DCTD: variants seen among roughly 807,000 people sequenced by gnomAD.
DCTD encodes deoxycytidylate deaminase.
In DCTD, 23 loss-of-function variants were observed where a neutral mutation model predicts 21.0. The ratio of observed to expected loss-of-function variants is 1.09; its 90% CI spans 0.79 to 1.55. DCTD has a LOEUF of 1.55. Among genes scored for constraint, DCTD ranks in the 40% most tolerant of loss-of-function variants. The pLI is 0.00. For missense variants in DCTD, 224 were observed against 230.0 expected (o/e 0.97, Z 0.17); for synonymous variants, 71 against 81.1 (o/e 0.88, Z 0.67).
chr4:182,906,088 G>A (rs1579736928), intron 3 of DCTD, among the ~76,000 whole-genome samples: 1 of 151,974 alleles, frequency 6.6e-6, no homozygotes, highest in South Asian at 2.1e-4. Flanking sequence ...CCTCCCGGCT[G>A]GCGAGTCGCT....
chr4:182,916,277 G>A (rs112343703), intron 1 of DCTD: 2 of 643,758 alleles, frequency 3.1e-6, no homozygotes, highest in South Asian at 6.9e-5. Context: ...TTTTTGGAAC[G>A]TAGTTTACCA....
intron 3 of DCTD, among the ~76,000 whole-genome samples, chr4:182,895,091 C>T (rs892162819): frequency 2.0e-5 from 3 of 152,240 alleles, no homozygotes; most frequent in African/African-American, 7.2e-5. Flanking sequence ...AAAACGCCAG[C>T]AGCCAGACTG....
intron 4 of DCTD, among the ~76,000 whole-genome samples, chr4:182,893,626 C>T (rs1734201555): frequency 6.6e-6 from 1 of 152,252 alleles, no homozygotes; most frequent in South Asian, 2.1e-4. Flanking sequence ...AGCCAGGAAT[C>T]CCAAGGGCCC....
chr4:182,908,816 TG>T (rs1280997732), intron 3 of DCTD, among the ~76,000 whole-genome samples: 1 of 152,182 alleles, frequency 6.6e-6, no homozygotes, highest in African/African-American at 2.4e-5. Context: ...CATGTGCCCC[TG>T]ACATTTTATC....
At chr4:182,901,050 T>A (rs1282105319) in intron 3 of DCTD, among the ~76,000 whole-genome samples, 2 of 152,214 alleles carry the variant, frequency 1.3e-5, no homozygotes, top group African/African-American at 4.8e-5. Context: ...ATATATTCCA[T>A]CCCTGGTTAG....
intron 3 of DCTD, among the ~76,000 whole-genome samples, chr4:182,910,947 C>G (rs917485514): frequency 2.0e-5 from 3 of 152,130 alleles, no homozygotes; most frequent in Non-Finnish European, 4.4e-5. Flanking sequence ...TTCCGACTTA[C>G]GGAATTAATA....
Position 182,891,354 on chromosome 4 carries a change from A to G in DCTD, c.*45T>C. 2 of 1,381,030 alleles carry G rather than the reference A, an allele frequency of 1.4e-6. No homozygotes were observed. Among genetic ancestry groups the G allele is most frequent in the Admixed American group, 1.7e-5 (1 of 59,382 alleles). 85.5% of individuals were successfully genotyped at this position (1,381,030 alleles called of 1,614,324 possible). A position where few individuals can be genotyped will look rare whatever the true frequency, so the allele number is the denominator to read the frequency against. ...AGATGAAAGGCATTAGCAACCTCTT[A>G]GAAGACGATAATCCCAATCTTCTGG... On this transcript the variant is annotated 3_prime_UTR_variant, in exon 6 of 6. Transcript: ENST00000438320.
At chr4:182,908,270 C>T (rs1737068572) in intron 3 of DCTD, among the ~76,000 whole-genome samples, 1 of 152,140 alleles carries the variant, frequency 6.6e-6, no homozygotes, top group African/African-American at 2.4e-5. Flanking sequence ...CAGTCAAAAT[C>T]AGCACAACTG....
rs758280564 is a variant in DCTD, at chr4:182,905,636, G to A, written c.244+9287C>T. Among the ~76,000 whole-genome samples, 65 of 151,892 alleles carry A rather than the reference G, an allele frequency of 4.3e-4. 1 individual carries two copies. Among genetic ancestry groups the A allele is most frequent in the East Asian group, 7.8e-4 (4 of 5,150 alleles). On this transcript the variant is annotated intron_variant, in intron 3 of 5. Coordinates refer to ENST00000438320, the MANE Select transcript of DCTD (RefSeq NM_001921.3). Reference sequence around the variant, plus strand: ...CACTGCTCTGTGTGCTCCTTCTCACGGGCCCTTCTTTCTCCAACCACCTTA... The same window carrying A: ...CACTGCTCTGTGTGCTCCTTCTCACAGGCCCTTCTTTCTCCAACCACCTTA...
At chr4:182,896,181 C>T (rs548845443) in intron 3 of DCTD, among the ~76,000 whole-genome samples, 11 of 152,302 alleles carry the variant, frequency 7.2e-5, no homozygotes, top group Non-Finnish European at 1.5e-4. Flanking sequence ...GACTCACTTG[C>T]TTCATCGATG....
chr4:182,916,227 G>A (rs1345648009), intron 1 of DCTD: 1 of 229,202 alleles, frequency 4.4e-6, no homozygotes, highest in Non-Finnish European at 7.2e-6. Flanking sequence ...TACATGAGAA[G>A]AAACTATGAA....
intron 1 of DCTD, chr4:182,916,777 G>A: frequency 8.9e-7 from 1 of 1,124,796 alleles, no homozygotes; most frequent in Non-Finnish European, 1.1e-6. Flanking sequence ...GCAGGAGAGG[G>A]AAGGGTCCTG....
intron 1 of DCTD, chr4:182,916,804 CT>C: frequency 9.0e-7 from 1 of 1,114,420 alleles, no homozygotes; most frequent in South Asian, 1.9e-5. Flanking sequence ...CCCTGGGCGC[CT>C]TCTCCTGGTG....
In DCTD at chr4:182,891,301, G is replaced by A; in HGVS notation, c.*98C>T. 1.2e-6 allele frequency: 1 copy of A among 822,428 alleles called. No individual in the cohort carries two copies. The highest frequency in any genetic ancestry group is 2.1e-6 in the Non-Finnish European group (1 of 476,608). 50.9% of individuals were successfully genotyped at this position (822,428 alleles called of 1,614,324 possible). A position where few individuals can be genotyped will look rare whatever the true frequency, so the allele number is the denominator to read the frequency against. On this transcript the variant is annotated 3_prime_UTR_variant, in exon 6 of 6. Coordinates refer to ENST00000438320, the MANE Select transcript of DCTD (RefSeq NM_001921.3). Reference sequence around the variant, plus strand: ...TTTAGATGCCTACTTTTGCCATACTGGCTAGTAAGAAGTTATGTGTAACTT... The same window carrying A: ...TTTAGATGCCTACTTTTGCCATACTAGCTAGTAAGAAGTTATGTGTAACTT...
intron 3 of DCTD, 143 bp downstream of exon 3, chr4:182,914,780 A>G (rs1738395091): frequency 3.3e-6 from 3 of 916,202 alleles, no homozygotes; most frequent in African/African-American, 3.3e-5. Context: ...AGACAAGGCC[A>G]GGAAATTGGG....
intron 3 of DCTD, among the ~76,000 whole-genome samples, chr4:182,900,009 G>A (rs771988853): frequency 6.6e-5 from 6 of 91,000 alleles, no homozygotes; most frequent in Admixed American, 9.5e-5. Context: ...TGTCATGCTG[G>A]TGTGCAAAAG....
rs1027524178 is a variant in DCTD, at chr4:182,890,832, G to A, written c.*567C>T. The stretch of plus-strand genomic sequence containing the variant: ...ACACTCCTCGTCTGTCAGGACAGAT[G>A]TGCCACCCTATCTCGGATTCCGGGA... On this transcript the variant is annotated 3_prime_UTR_variant, in exon 6 of 6. Coordinates refer to ENST00000438320, the MANE Select transcript of DCTD (RefSeq NM_001921.3). 2.0e-5 allele frequency: 3 copies of A among 152,800 alleles called. No individual in the cohort carries two copies. The highest frequency in any genetic ancestry group is 4.8e-5 in the African/African-American group (2 of 41,474). 9.5% of individuals were successfully genotyped at this position (152,800 alleles called of 1,614,324 possible).
At chr4:182,904,356 T>C (rs150543511) in intron 3 of DCTD, among the ~76,000 whole-genome samples, 20 of 152,288 alleles carry the variant, frequency 1.3e-4, no homozygotes, top group African/African-American at 4.3e-4. Context: ...CCACTGTTCA[T>C]GTGAAATGCA....
intron 3 of DCTD, among the ~76,000 whole-genome samples, chr4:182,913,776 C>T (rs569706390): frequency 6.6e-6 from 1 of 152,272 alleles, no homozygotes; most frequent in South Asian, 2.1e-4. Flanking sequence ...GCCTCTTTTC[C>T]AGCATTGCTT....
Sources: allele counts gnomAD v4.1 joint callset (sites outside exome capture counted in the v4.1 genomes callset), GRCh38; gene constraint gnomAD v4.1.1; transcripts MANE v1.5; gene names NCBI Gene and HGNC (gene_info 2026-07-23, HGNC 2026-07-21).